The following P4HA3 variants were observed in gnomAD, a reference collection of about 807,000 sequenced individuals.
The protein encoded by P4HA3 is prolyl 4-hydroxylase subunit alpha-3.
A neutral mutation model predicts 66.7 loss-of-function variants in P4HA3; 60 were observed. That is an observed-to-expected ratio of 0.90 (90% confidence interval 0.73 to 1.12). P4HA3 has a LOEUF of 1.12. Among genes scored for constraint, P4HA3 ranks in the 50% most tolerant of loss-of-function variants. P4HA3 has a pLI of 0.00. For missense variants in P4HA3, 683 were observed against 685.8 expected (o/e 1.00, Z 0.05); for synonymous variants, 263 against 274.6 (o/e 0.96, Z 0.42).
intron 15 of P4HA3, chr11:74,251,581 C>T: frequency 1.3e-6 from 2 of 1,582,850 alleles, no homozygotes; most frequent in Non-Finnish European, 1.7e-6. Context: ...CTAACAGTAG[C>T]TCACAGCCCA....
chr11:74,307,832 T>C (rs1861618817), intron 1 of P4HA3, among the ~76,000 whole-genome samples: 1 of 152,222 alleles, frequency 6.6e-6, no homozygotes, highest in South Asian at 2.1e-4. Context: ...CAATATGTTT[T>C]GCCTTTGGAA....
intron 11 of P4HA3, among the ~76,000 whole-genome samples, chr11:74,268,789 G>C (rs1449426588): frequency 2.0e-5 from 3 of 152,196 alleles, no homozygotes; most frequent in African/African-American, 7.2e-5. Context: ...AGCAAAGTGA[G>C]GACTCAAGCC....
At chr11:74,298,436 A>G in intron 3 of P4HA3, 75 bp from the exon 4 acceptor site, 1 of 1,521,210 alleles carries the variant, frequency 6.6e-7, no homozygotes, top group Middle Eastern at 1.9e-4. Context: ...TCAAAGAATA[A>G]GAGGGACTTT....
In P4HA3 at chr11:74,270,099, T is replaced by C. The variant is rs762735147; in HGVS notation, c.1399-379A>G. ...CAGACACATACACACACACACCTCC[T>C]GAAATATAATTGTCATAAAACATTC... On this transcript the variant is annotated intron_variant, in intron 10 of 12. Coordinates refer to ENST00000331597, the MANE Select transcript of P4HA3 (RefSeq NM_182904.5). 3.5e-4 allele frequency among the ~76,000 whole-genome samples: 53 copies of C among 152,208 alleles called. 1 individual carries two copies. Among genetic ancestry groups the C allele is most frequent in the South Asian group, 6.2e-4 (3 of 4,824 alleles).
intron 7 of P4HA3, among the ~76,000 whole-genome samples, chr11:74,284,065 G>A (rs939539569): frequency 6.6e-6 from 1 of 152,282 alleles, no homozygotes; most frequent in Admixed American, 6.5e-5. Context: ...GTTGACGAAT[G>A]ACTAATGGCT....
chr11:74,261,728 G>GC (rs1435173909), downstream of P4HA3, among the ~76,000 whole-genome samples: 4 of 151,870 alleles, frequency 2.6e-5, no homozygotes, highest in African/African-American at 9.7e-5. Flanking sequence ...AGCATCCTCA[G>GC]CCCCAGCAAA....
At chr11:74,257,139 T>C (rs1357952056) in intron 15 of P4HA3, among the ~76,000 whole-genome samples, 1 of 151,984 alleles carries the variant, frequency 6.6e-6, no homozygotes, top group Non-Finnish European at 1.5e-5. Context: ...TTTTTCTTTC[T>C]TTTTTTTAGA....
intron 1 of P4HA3, among the ~76,000 whole-genome samples, chr11:74,308,957 A>T (rs1258590548): frequency 6.6e-6 from 1 of 152,206 alleles, no homozygotes; most frequent in Non-Finnish European, 1.5e-5. Flanking sequence ...CTTGTCCAAG[A>T]TCAGAGCCAA....
chr11:74,276,911 G>A, intron 9 of P4HA3, 74 bp downstream of exon 9: 1 of 1,413,540 alleles, frequency 7.1e-7, no homozygotes, highest in Non-Finnish European at 9.5e-7. Flanking sequence ...GAGCCTACAA[G>A]AGCTCTGCCT....
Position 74,311,563 on chromosome 11 carries a change from C to G in P4HA3, c.49G>C (p.Gly17Arg), listed in dbSNP as rs1465734356. Residue 17 changes from glycine (G) to arginine (R), a missense_variant, in exon 1 of 13, where the codon GGG (glycine) becomes CGG (arginine). Physicochemically the swap from Gly to Arg is moderately radical, Grantham distance 125 (BLOSUM62 -2). Coordinates refer to ENST00000331597, the MANE Select transcript of P4HA3 (RefSeq NM_182904.5). ...GCAGCCCTTTCTGGGTCTCCTGTCC[C>G]GAGCGCCAGCACCGCCAGCAGCGCC... ...LAALLAVLAL[G>R]TGDPERAAAR... 2.6e-6 allele frequency: 4 copies of G among 1,539,038 alleles called. No homozygotes were observed. The highest frequency in any genetic ancestry group is 1.4e-5 in the African/African-American group (1 of 70,260).
downstream of P4HA3, among the ~76,000 whole-genome samples, chr11:74,263,425 G>A (rs1292925228): frequency 6.6e-6 from 1 of 152,194 alleles, no homozygotes; most frequent in Admixed American, 6.5e-5. Flanking sequence ...AAAGATTATT[G>A]CCAATGGAAG....
At position 74,286,237 on chromosome 11, in the gene P4HA3, C is replaced by T; in HGVS notation, c.924G>A (p.Leu308=). The stretch of plus-strand genomic sequence containing the variant: ...CCCTGAGGAATCCTACCTGGGAACC[C>T]AGGGTCTGACATAGCCCCTCGTAGG... ...RDTYEGLCQT[L]GSQPTLYQIP... is the part of the protein sequence containing the mutation. Residue 308 remains leucine (L), a synonymous_variant, in exon 6 of 13, where the codon CTG becomes CTA. Coordinates refer to ENST00000331597, the MANE Select transcript of P4HA3 (RefSeq NM_182904.5). 6.2e-7 allele frequency: 1 copy of T among 1,612,026 alleles called. No homozygotes were observed. The highest frequency in any genetic ancestry group is 8.5e-7 in the Non-Finnish European group (1 of 1,179,480).
chr11:74,289,703 T>C (rs1366667001), intron 4 of P4HA3, among the ~76,000 whole-genome samples: 3 of 151,078 alleles, frequency 2.0e-5, no homozygotes, highest in Non-Finnish European at 3.0e-5. Context: ...GTGTTTGGTT[T>C]TTTGTCCTTG....
chr11:74,276,938 G>T (rs1421868344), intron 9 of P4HA3, 47 bp downstream of exon 9: 1 of 1,551,486 alleles, frequency 6.4e-7, no homozygotes, highest in Non-Finnish European at 8.8e-7. Context: ...AATAAATAAT[G>T]CCCTGGCTCC....
intron 15 of P4HA3, chr11:74,250,591 C>T (rs1331163928): frequency 1.6e-5 from 3 of 185,324 alleles, no homozygotes; most frequent in South Asian, 1.4e-4. Context: ...TATGCTCTTA[C>T]AGCCCCATGT....
At chr11:74,310,255 A>G (rs1861693654) in intron 1 of P4HA3, among the ~76,000 whole-genome samples, 2 of 152,204 alleles carry the variant, frequency 1.3e-5, no homozygotes, top group Admixed American at 1.3e-4. Flanking sequence ...CATTTTTGTC[A>G]GTTGGACACT....
chr11:74,253,593 T>C, intron 15 of P4HA3: 1 of 1,457,254 alleles, frequency 6.9e-7, no homozygotes, highest in Non-Finnish European at 9.6e-7. Context: ...CACTGTCTCC[T>C]CTCCATCCCG....
chr11:74,285,784 C>A (rs1304620855), intron 7 of P4HA3, 25 bp downstream of exon 7: 3 of 1,605,016 alleles, frequency 1.9e-6, no homozygotes, highest in Non-Finnish European at 2.6e-6. Flanking sequence ...AAGAGAAATT[C>A]TTGGCGGGTT....
At chr11:74,268,437 C>G (rs1860073025) in intron 11 of P4HA3, among the ~76,000 whole-genome samples, 196 bp from the exon 12 acceptor site, 2 of 152,244 alleles carry the variant, frequency 1.3e-5, no homozygotes, top group Non-Finnish European at 2.9e-5. Context: ...GACAGAGTCC[C>G]CTGCACCCCA....
Sources: gnomAD v4.1 joint callset for allele counts (sites outside exome capture counted in the v4.1 genomes callset) on GRCh38, gnomAD v4.1.1 for gene constraint, MANE v1.5 for transcripts, NCBI Gene and HGNC (gene_info 2026-07-23, HGNC 2026-07-21) for gene names.